The following IQSEC3 variants were observed in gnomAD, a reference collection of about 807,000 sequenced individuals.
IQSEC3 encodes the protein IQ motif and SEC7 domain-containing protein 3.
In IQSEC3, 50 loss-of-function variants were observed where a neutral mutation model predicts 105.4. The observed-to-expected ratio is 0.47, with a 90% confidence interval of 0.38 to 0.60. The LOEUF is 0.60. Ranked by LOEUF, IQSEC3 falls within the 20% of genes least tolerant of loss-of-function variation. The probability of loss-of-function intolerance (pLI) is 0.00; values close to 1 mark genes in which losing one functional copy is unlikely to be tolerated. For missense variants in IQSEC3, 1,415 were observed against 1,630.0 expected (o/e 0.87, Z 2.27); for synonymous variants, 708 against 746.0 (o/e 0.95, Z 0.83).
chr12:99,557 C>CA (rs1864354368), intron 2 of IQSEC3, among the ~76,000 whole-genome samples: 2 of 152,246 alleles, frequency 1.3e-5, no homozygotes, highest in African/African-American at 4.8e-5. Flanking sequence ...GTGCCTGGCA[C>CA]ACAGTGGTGT....
intron 4 of IQSEC3, chr12:140,853 A>T: frequency 2.4e-6 from 1 of 418,496 alleles, no homozygotes; most frequent in South Asian, 7.2e-5. Flanking sequence ...GGACTGGGGT[A>T]AGACCCAGGA....
chr12:154,922 G>A (rs1396101047), intron 5 of IQSEC3, among the ~76,000 whole-genome samples: 3 of 150,388 alleles, frequency 2.0e-5, no homozygotes, highest in Admixed American at 6.6e-5. Flanking sequence ...TCGCTGCCCC[G>A]CCCCATCTCT....
In IQSEC3 at chr12:125,845, C is replaced by G. The variant is rs200670002; in HGVS notation, c.836C>G (p.Thr279Arg). 5 of 1,532,826 alleles carry G rather than the reference C, an allele frequency of 3.3e-6. No homozygotes were observed. Among genetic ancestry groups the G allele is most frequent in the East Asian group, 2.5e-5 (1 of 40,764 alleles). 95.0% of individuals were successfully genotyped at this position (1,532,826 alleles called of 1,614,324 possible). A position where few individuals can be genotyped will look rare whatever the true frequency, so the allele number is the denominator to read the frequency against. ...GGCCGGCAGCAGCCTGCCCTGGCGA[C>G]GGCGCTGTGCCCCCACGCCCCTGCC... is the stretch of plus-strand genomic sequence containing the variant. ...SPGRQQPALA[T>R]ALCPHAPAAS... The change falls in exon 3 of 14, where the codon ACG (threonine) becomes AGG (arginine). Residue 279 changes from threonine to arginine, a missense_variant. Physicochemically the swap from Thr to Arg is moderately conservative, Grantham distance 71. Transcript: ENST00000538872.
In IQSEC3 at chr12:100,772, A is replaced by G. The variant is rs80106454; in HGVS notation, c.623+1558A>G. 1.8e-3 allele frequency among the ~76,000 whole-genome samples: 274 copies of G among 152,334 alleles called. 1 individual carries two copies. Among genetic ancestry groups the G allele is most frequent in the African/African-American group, 5.9e-3 (245 of 41,584 alleles). On this transcript the variant is annotated intron_variant, in intron 2 of 13. Coordinates refer to ENST00000538872, the MANE Select transcript of IQSEC3 (RefSeq NM_001170738.2). ...AGTGGGACATCAGGATACCCTCAAA[A>G]GAAAAACTGCTCACCTGCAAATTAG...
chr12:112,656 CACTGT>C (rs1864931122), intron 2 of IQSEC3, among the ~76,000 whole-genome samples: 1 of 152,168 alleles, frequency 6.6e-6, no homozygotes, highest in East Asian at 1.9e-4. Context: ...TGAGGGGTTG[CACTGT>C]CTAATCCCCA....
chr12:107,622 G>A (rs1044478057), intron 2 of IQSEC3, among the ~76,000 whole-genome samples: 4 of 151,928 alleles, frequency 2.6e-5, no homozygotes, highest in African/African-American at 4.8e-5. Context: ...GTGTTAGCCA[G>A]GATGGTCTCG....
chr12:71,080 A>G (rs1555067398), intron 1 of IQSEC3, among the ~76,000 whole-genome samples: 2 of 152,364 alleles, frequency 1.3e-5, no homozygotes, highest in East Asian at 3.9e-4. Context: ...TTAAACACAA[A>G]ATCAATCTTG....
intron 5 of IQSEC3, among the ~76,000 whole-genome samples, chr12:145,274 T>G (rs1166085201): frequency 6.6e-6 from 1 of 152,170 alleles, no homozygotes; most frequent in Admixed American, 6.5e-5. Flanking sequence ...TGTTAGCTCT[T>G]TCTTTTCTTT....
intron 1 of IQSEC3, among the ~76,000 whole-genome samples, chr12:68,815 T>C (rs1252288692): frequency 5.9e-5 from 9 of 152,242 alleles, no homozygotes; most frequent in Admixed American, 6.5e-5. Flanking sequence ...TAGGGCAGGG[T>C]AGCTCACAGA....
At position 174,540 on chromosome 12, in the gene IQSEC3, C is replaced by T. The variant is rs998983890; in HGVS notation, c.3115-59C>T. On this transcript the variant is annotated intron_variant, in intron 13 of 13. Coordinates refer to ENST00000538872, the MANE Select transcript of IQSEC3 (RefSeq NM_001170738.2). ...CAGGGGAGGCACAGGGCAGCCTGTC[C>T]TAGCAGCTGGGAATTAGTCTTGTAA... 3.4e-6 allele frequency: 5 copies of T among 1,452,232 alleles called. 1 individual carries two copies. Among genetic ancestry groups the T allele is most frequent in the Non-Finnish European group, 4.6e-6 (5 of 1,096,146 alleles). 90.0% of individuals were successfully genotyped at this position (1,452,232 alleles called of 1,614,324 possible).
At chr12:131,042 C>A (rs904671) in intron 3 of IQSEC3, among the ~76,000 whole-genome samples, 8 of 55,282 alleles carry the variant, frequency 1.4e-4, no homozygotes, top group East Asian at 7.0e-4. Context: ...CTGGCCCCCG[C>A]TCCTCAGCAC....
In IQSEC3 at chr12:157,129, G is replaced by A. The variant is rs527558225; in HGVS notation, c.2258G>A (p.Arg753Gln). ...CAGGGGGAGGCTCAGAAGGTGGAGC[G>A]GCTCATTGAGGCCTTCAGGTAAGGC... ...RVQGEAQKVERLIEAFSQRYC... is the reference protein window; with the variant it reads ...RVQGEAQKVEQLIEAFSQRYC... Residue 753 changes from arginine to glutamine, a missense_variant, in exon 6 of 14, where the codon CGG becomes CAG. Physicochemically the swap from Arg to Gln is conservative, Grantham distance 43. Transcript: ENST00000538872. 28 of 1,589,898 alleles carry A rather than the reference G, an allele frequency of 1.8e-5. No individual in the cohort carries two copies. The highest frequency in any genetic ancestry group is 9.2e-5 in the South Asian group (8 of 87,004).
chr12:76,520 C>G (rs1396392228), intron 1 of IQSEC3, among the ~76,000 whole-genome samples: 2 of 152,280 alleles, frequency 1.3e-5, no homozygotes, highest in Non-Finnish European at 2.9e-5. Flanking sequence ...CTGGCCTGGT[C>G]ACGCCATCAG....
At chr12:153,489 G>T (rs1866577843) in intron 5 of IQSEC3, among the ~76,000 whole-genome samples, 1 of 152,166 alleles carries the variant, frequency 6.6e-6, no homozygotes, top group Non-Finnish European at 1.5e-5. Flanking sequence ...GCCTTCCTCA[G>T]GCAGGAGGGT....
intron 1 of IQSEC3, among the ~76,000 whole-genome samples, chr12:95,905 TC>T (rs1255665715): frequency 1.3e-5 from 2 of 152,010 alleles, no homozygotes; most frequent in African/African-American, 4.8e-5. Context: ...TGTTTGCATT[TC>T]CCCCCTCCAC....
Position 138,150 on chromosome 12 carries a change from G to T in IQSEC3, c.904-117G>T. 2.6e-6 allele frequency: 2 copies of T among 774,314 alleles called. No individual in the cohort carries two copies. The highest frequency in any genetic ancestry group is 4.1e-6 in the Non-Finnish European group (2 of 489,108). 48.0% of individuals were successfully genotyped at this position (774,314 alleles called of 1,614,324 possible). On this transcript the variant is annotated intron_variant, in intron 3 of 13. Transcript: ENST00000538872. This position sits in a 1 kb window ranked among gnomAD's most constrained non-coding sequence, Gnocchi z 7.1. Reference sequence around the variant, plus strand: ...TTTAGCTGCCCAGGAGCGCCCCCCCGCCCCCGTCCATTCCTGGGCCCCACC... The same window carrying T: ...TTTAGCTGCCCAGGAGCGCCCCCCCTCCCCCGTCCATTCCTGGGCCCCACC...
intron 1 of IQSEC3, among the ~76,000 whole-genome samples, chr12:69,075 A>G: frequency 6.6e-6 from 1 of 152,282 alleles, no homozygotes; most frequent in South Asian, 2.1e-4. Flanking sequence ...CCAAGATACT[A>G]AGTGGTCTTT....
At chr12:108,288 G>T (rs531149490) in intron 2 of IQSEC3, among the ~76,000 whole-genome samples, 3 of 152,244 alleles carry the variant, frequency 2.0e-5, no homozygotes. Context: ...TTCCAAAGGT[G>T]TGTACTACTC....
intron 3 of IQSEC3, among the ~76,000 whole-genome samples, chr12:134,917 A>G (rs553952629): frequency 2.0e-5 from 3 of 152,256 alleles, no homozygotes; most frequent in African/African-American, 7.2e-5. Flanking sequence ...CCAAGGCACC[A>G]GGAGTTCAAG....
Sources: gnomAD v4.1 joint callset for allele counts (sites outside exome capture counted in the v4.1 genomes callset) on GRCh38, gnomAD v4.1.1 for gene constraint, Gnocchi (gnomAD v3.1) non-coding constraint, MANE v1.5 for transcripts, NCBI Gene and HGNC (gene_info 2026-07-23, HGNC 2026-07-21) for gene names.